Variants in DLG1 observed in about 807,000 individuals in gnomAD.
DLG1 encodes the protein disks large homolog 1.
Under a neutral mutation model 123.4 loss-of-function variants are expected in DLG1, and 42 were observed. That is an observed-to-expected ratio of 0.34 (90% CI 0.27 to 0.44). The LOEUF (loss-of-function observed/expected upper bound fraction) is 0.44, where lower values mean the gene tolerates loss of function less well. Ranked by LOEUF, DLG1 falls within the 20% of genes least tolerant of loss-of-function variation. DLG1 has a pLI of 1.00. For missense variants in DLG1, 942 were observed against 1,082.6 expected (o/e 0.87, Z 1.82); for synonymous variants, 317 against 356.2 (o/e 0.89, Z 1.24).
At chr3:197,113,727 T>A (rs1247774654) in intron 13 of DLG1, among the ~76,000 whole-genome samples, 1 of 152,192 alleles carries the variant, frequency 6.6e-6, no homozygotes, top group African/African-American at 2.4e-5. Flanking sequence ...GCTTTTAAGA[T>A]TAGATAAAGA....
intron 4 of DLG1, among the ~76,000 whole-genome samples, chr3:197,273,959 CA>C (rs899516183): frequency 6.1e-5 from 9 of 147,870 alleles, no homozygotes; most frequent in Non-Finnish European, 1.0e-4. Flanking sequence ...GAAGAGGACA[CA>C]AAAAAAATGG....
chr3:197,122,049 A>C (rs1776701012), intron 11 of DLG1, among the ~76,000 whole-genome samples: 1 of 152,044 alleles, frequency 6.6e-6, no homozygotes. Context: ...AAATTTCAGG[A>C]CACTATCGTT....
At chr3:197,183,665 T>A in intron 5 of DLG1, 1 of 1,550,642 alleles carries the variant, frequency 6.4e-7, no homozygotes, top group Non-Finnish European at 8.7e-7. Context: ...GTGAAGGTTC[T>A]GGCTCAGCTT....
At chr3:197,126,006 AAC>A (rs1335613902) in intron 11 of DLG1, among the ~76,000 whole-genome samples, 1 of 152,068 alleles carries the variant, frequency 6.6e-6, no homozygotes, top group Non-Finnish European at 1.5e-5. Context: ...CTTTTCAAAA[AAC>A]ACAAACAGAT....
intron 14 of DLG1, among the ~76,000 whole-genome samples, chr3:197,092,153 T>G (rs11706316): frequency 1.3e-5 from 2 of 152,016 alleles, no homozygotes; most frequent in Non-Finnish European, 2.9e-5. Context: ...GTCTTTGGTA[T>G]GTGTAGAAAC....
chr3:197,269,298 T>C (rs1467078534), intron 4 of DLG1, among the ~76,000 whole-genome samples: 2 of 152,212 alleles, frequency 1.3e-5, no homozygotes, highest in African/African-American at 2.4e-5. Flanking sequence ...AGCAAAGATG[T>C]CACTAGGAGA....
At chr3:197,126,157 T>C (rs983217127) in intron 11 of DLG1, among the ~76,000 whole-genome samples, 7 of 152,100 alleles carry the variant, frequency 4.6e-5, no homozygotes, top group East Asian at 3.8e-4. Context: ...AATGCTTTAT[T>C]AGTTCAATAA....
chr3:197,182,559 T>C (rs1712929408), intron 5 of DLG1, among the ~76,000 whole-genome samples: 1 of 152,208 alleles, frequency 6.6e-6, no homozygotes, highest in Non-Finnish European at 1.5e-5. Flanking sequence ...AGTTATAGTT[T>C]ATATTTATTG....
Position 197,066,769 on chromosome 3 carries a change from A to G in DLG1, c.2048-15T>C. 2 of 1,568,204 alleles carry G rather than the reference A, an allele frequency of 1.3e-6. No homozygotes were observed. Among genetic ancestry groups the G allele is most frequent in the Non-Finnish European group, 1.7e-6 (2 of 1,143,428 alleles). On this transcript the variant is annotated splice_polypyrimidine_tract_variant and intron_variant, in intron 19 of 24. Coordinates refer to ENST00000667157, the MANE Select transcript of DLG1 (RefSeq NM_001366207.1). The stretch of plus-strand genomic sequence containing the variant: ...TTCTTGACCACCTATTAGAAAGTGA[A>G]GGCACAGATGAAAAATGTGTAAAGA...
At chr3:197,140,590 T>C (rs1787459830) in intron 7 of DLG1, among the ~76,000 whole-genome samples, 1 of 152,208 alleles carries the variant, frequency 6.6e-6, no homozygotes, top group South Asian at 2.1e-4. Context: ...CTGTTTCTTT[T>C]AGACTGCACC....
intron 22 of DLG1, among the ~76,000 whole-genome samples, chr3:197,063,490 TG>T (rs1447919299): frequency 3.3e-5 from 5 of 152,174 alleles, no homozygotes; most frequent in African/African-American, 9.6e-5. Flanking sequence ...AGCAGAGATT[TG>T]TATTTTCCCA....
intron 23 of DLG1, among the ~76,000 whole-genome samples, chr3:197,059,392 T>G (rs1012299004): frequency 2.6e-5 from 4 of 152,242 alleles, no homozygotes; most frequent in African/African-American, 9.6e-5. Flanking sequence ...ACATATAATT[T>G]ACTTTTTTCT....
chr3:197,211,094 A>G (rs1447531341), intron 4 of DLG1, among the ~76,000 whole-genome samples: 1 of 146,640 alleles, frequency 6.8e-6, no homozygotes, highest in African/African-American at 2.4e-5. Context: ...CAACAGACAT[A>G]TAAAATATGT....
At chr3:197,152,295 T>A (rs1431752335) in intron 5 of DLG1, among the ~76,000 whole-genome samples, 6 of 152,116 alleles carry the variant, frequency 3.9e-5, no homozygotes, top group Non-Finnish European at 5.9e-5. Context: ...CAAGGTGCAA[T>A]GAGGGCTTTT....
At chr3:197,063,417 C>CT (rs1737225801) in intron 22 of DLG1, among the ~76,000 whole-genome samples, 2 of 152,328 alleles carry the variant, frequency 1.3e-5, no homozygotes, top group South Asian at 4.1e-4. Context: ...ATCACTCCCT[C>CT]TGTAGGTAAC....
intron 24 of DLG1, among the ~76,000 whole-genome samples, chr3:197,048,120 T>TG (rs1267920670): frequency 2.0e-5 from 3 of 152,312 alleles, no homozygotes; most frequent in South Asian, 4.1e-4. Context: ...GACATACAGA[T>TG]GGCCAGCAGG....
chr3:197,264,780 G>A (rs1760989693), intron 4 of DLG1, among the ~76,000 whole-genome samples: 1 of 152,042 alleles, frequency 6.6e-6, no homozygotes, highest in East Asian at 1.9e-4. Flanking sequence ...CAAGTATAAT[G>A]CAAATATCAA....
rs555314872 is a variant in DLG1, at chr3:197,195,352, T to C, written c.319-763A>G. Among the ~76,000 whole-genome samples, 5 of 151,568 alleles carry C rather than the reference T, an allele frequency of 3.3e-5. No individual in the cohort carries two copies. The South Asian group carries it at 6.3e-4, about 19-fold the overall frequency. Reference sequence around the variant, plus strand: ...TTAAAAAGGCATACAAATGGGTCAGTACCCAGCAATCCCACTACTGGGAAA... The same window carrying C: ...TTAAAAAGGCATACAAATGGGTCAGCACCCAGCAATCCCACTACTGGGAAA... On this transcript the variant is annotated intron_variant, in intron 4 of 24. Transcript: ENST00000667157.
At chr3:197,118,174 C>A (rs950066145) in intron 12 of DLG1, among the ~76,000 whole-genome samples, 3 of 152,090 alleles carry the variant, frequency 2.0e-5, no homozygotes, top group African/African-American at 7.2e-5. Context: ...GAACAGTAAT[C>A]AAGGTGCAAA....
Sources: gnomAD v4.1 joint callset for allele counts (sites outside exome capture counted in the v4.1 genomes callset) on GRCh38, gnomAD v4.1.1 for gene constraint, MANE v1.5 for transcripts, NCBI Gene and HGNC (gene_info 2026-07-23, HGNC 2026-07-21) for gene names.